Variants in EPM2A observed in about 807,000 individuals in gnomAD.
EPM2A encodes the protein laforin.
Under a neutral mutation model 26.5 loss-of-function variants are expected in EPM2A, and 21 were observed. That is an observed-to-expected ratio of 0.79 (90% CI 0.56 to 1.14). The LOEUF is 1.14. Among genes scored for constraint, EPM2A ranks in the 50% most tolerant of loss-of-function variants. The pLI is 0.00. For synonymous variants in EPM2A, 217 were observed against 177.6 expected (o/e 1.22, Z -1.76); for missense variants, 458 against 440.8 (o/e 1.04, Z -0.35).
intron 2 of EPM2A, among the ~76,000 whole-genome samples, chr6:145,541,103 AG>A (rs1375210717): frequency 6.6e-6 from 1 of 152,060 alleles, no homozygotes; most frequent in Non-Finnish European, 1.5e-5. Flanking sequence ...CTTGTGACCC[AG>A]AAAAAAGCAT....
chr6:145,480,235 T>A (rs1435716189), intron 4 of EPM2A, among the ~76,000 whole-genome samples: 2 of 151,894 alleles, frequency 1.3e-5, no homozygotes. Context: ...GAAACATGGC[T>A]GAGGAGGCCT....
At chr6:145,568,464 C>A (rs1780913314) in intron 2 of EPM2A, among the ~76,000 whole-genome samples, 1 of 151,954 alleles carries the variant, frequency 6.6e-6, no homozygotes, top group Non-Finnish European at 1.5e-5. Flanking sequence ...GGATTACAGG[C>A]ACGTGCCACC....
At chr6:145,603,756 A>G (rs571053171) in intron 2 of EPM2A, among the ~76,000 whole-genome samples, 108 of 152,308 alleles carry the variant, frequency 7.1e-4, no homozygotes, top group African/African-American at 2.5e-3. Context: ...ACTATCTAAA[A>G]ATCTCCTGTT....
intron 4 of EPM2A, among the ~76,000 whole-genome samples, chr6:145,428,728 T>A (rs1778884490): frequency 6.6e-6 from 1 of 152,198 alleles, no homozygotes; most frequent in South Asian, 2.1e-4. Context: ...GTAAACATGG[T>A]GAGGTAGAAA....
At chr6:145,660,940 A>G (rs1045776166) in intron 2 of EPM2A, among the ~76,000 whole-genome samples, 2 of 152,188 alleles carry the variant, frequency 1.3e-5, no homozygotes, top group African/African-American at 4.8e-5. Flanking sequence ...CTTCAATCTC[A>G]TATCGTGGCC....
chr6:145,392,226 G>A (rs1053512964), intron 4 of EPM2A, among the ~76,000 whole-genome samples: 3 of 152,200 alleles, frequency 2.0e-5, no homozygotes, highest in African/African-American at 7.2e-5. Context: ...CTCAATAGCA[G>A]TGTGAGACCT....
chr6:145,534,226 C>G (rs1198268793), intron 2 of EPM2A, among the ~76,000 whole-genome samples: 1 of 151,956 alleles, frequency 6.6e-6, no homozygotes, highest in Non-Finnish European at 1.5e-5. Flanking sequence ...TTTAGGCTGT[C>G]AGGGTACTTC....
intron 4 of EPM2A, chr6:145,490,043 A>G: frequency 7.6e-7 from 1 of 1,314,488 alleles, no homozygotes; most frequent in Non-Finnish European, 1.1e-6. Flanking sequence ...ATCCACAGTC[A>G]CTTGTGCTGA....
chr6:145,516,997 A>T (rs1451036012), intron 2 of EPM2A, among the ~76,000 whole-genome samples: 4 of 152,158 alleles, frequency 2.6e-5, no homozygotes, highest in Non-Finnish European at 5.9e-5. Context: ...TACACATACA[A>T]TGAAATGTTT....
At chr6:145,473,049 G>A (rs1270995520) in intron 4 of EPM2A, among the ~76,000 whole-genome samples, 1 of 151,856 alleles carries the variant, frequency 6.6e-6, no homozygotes, top group Non-Finnish European at 1.5e-5. Flanking sequence ...CCAAATGAAT[G>A]AACCAAATAA....
Position 145,710,558 on chromosome 6 carries a change from T to G in EPM2A, c.302-24262A>C, listed in dbSNP as rs1191381268. Among the ~76,000 whole-genome samples the G allele has an allele frequency of 3.3e-5, 5 of 152,194 alleles. No individual in the cohort carries two copies. In the East Asian group the frequency reaches 7.7e-4, roughly 23 times the overall value. On this transcript the variant is annotated intron_variant, in intron 1 of 3. Coordinates refer to ENST00000367519, the MANE Select transcript of EPM2A (RefSeq NM_005670.4). ...CTAGTTCAACCCTTGTGGAAGTCAGTGTGGCGATTCCTCAGGGATCTAGAA... is the reference window on the plus strand; with the variant it reads ...CTAGTTCAACCCTTGTGGAAGTCAGGGTGGCGATTCCTCAGGGATCTAGAA...
chr6:145,717,114 T>G (rs1472784121), intron 1 of EPM2A, among the ~76,000 whole-genome samples: 2 of 152,134 alleles, frequency 1.3e-5, no homozygotes, highest in Non-Finnish European at 2.9e-5. Flanking sequence ...CTAACTCATT[T>G]TATGAGGCCA....
chr6:145,416,223 G>A (rs964112537), intron 4 of EPM2A, among the ~76,000 whole-genome samples: 4 of 149,998 alleles, frequency 2.7e-5, no homozygotes, highest in Non-Finnish European at 5.9e-5. Flanking sequence ...TCCCAGTGAA[G>A]GCTATGCATC....
chr6:145,570,503 C>T (rs938250084), intron 2 of EPM2A, among the ~76,000 whole-genome samples: 7 of 152,174 alleles, frequency 4.6e-5, no homozygotes, highest in Admixed American at 2.6e-4. Context: ...TCTTAGTATA[C>T]GTGTACACAT....
At chr6:145,447,930 TA>T (rs1245247459) in intron 4 of EPM2A, among the ~76,000 whole-genome samples, 1 of 152,088 alleles carries the variant, frequency 6.6e-6, no homozygotes, top group Non-Finnish European at 1.5e-5. Flanking sequence ...ATATTGTTTT[TA>T]AAAATTCTCA....
chr6:145,629,100 C>G (rs1157026124), intron 3 of EPM2A: 1 of 152,232 alleles, frequency 6.6e-6, no homozygotes, highest in Non-Finnish European at 1.5e-5. Context: ...TGTTAACCCC[C>G]TAGTGAAGAG....
At chr6:145,461,205 A>G (rs1231851452) in intron 4 of EPM2A, among the ~76,000 whole-genome samples, 1 of 152,238 alleles carries the variant, frequency 6.6e-6, no homozygotes, top group Non-Finnish European at 1.5e-5. Context: ...TAATTTGAGC[A>G]GTTGAGCAAA....
intron 2 of EPM2A, among the ~76,000 whole-genome samples, chr6:145,564,781 G>C (rs929490028): frequency 1.3e-5 from 2 of 148,760 alleles, no homozygotes; most frequent in African/African-American, 4.9e-5. Context: ...GGTGGGGGGG[G>C]GCAGGGGGTG....
chr6:145,644,567 C>T (rs1267190413), intron 2 of EPM2A, among the ~76,000 whole-genome samples: 1 of 152,028 alleles, frequency 6.6e-6, no homozygotes, highest in Non-Finnish European at 1.5e-5. Context: ...GTGCTGCAGT[C>T]AGGGATATCA....
Sources: gnomAD v4.1 joint callset for allele counts (sites outside exome capture counted in the v4.1 genomes callset) on GRCh38, gnomAD v4.1.1 for gene constraint, MANE v1.5 for transcripts, NCBI Gene and HGNC (gene_info 2026-07-23, HGNC 2026-07-21) for gene names.